AGBL1: variants seen among roughly 807,000 people sequenced by gnomAD.
AGBL1 encodes cytosolic carboxypeptidase 4.
A neutral mutation model predicts 118.9 loss-of-function variants in AGBL1; 130 were observed. The observed-to-expected ratio is 1.09, with a 90% CI of 0.95 to 1.26. The LOEUF (loss-of-function observed/expected upper bound fraction) is 1.26, where lower values mean the gene tolerates loss of function less well. Among genes scored for constraint, AGBL1 ranks in the 50% most tolerant of loss-of-function variants. The probability of loss-of-function intolerance (pLI) is 0.00; values close to 1 mark genes in which losing one functional copy is unlikely to be tolerated. For missense variants in AGBL1, 1,584 were observed against 1,298.1 expected, an observed-to-expected ratio of 1.22 and a Z score of -3.38; for synonymous variants, 555 against 478.9, an observed-to-expected ratio of 1.16 and a Z score of -2.08.
chr15:87,028,734 T>G, intron 24 of AGBL1: 1 of 1,190,172 alleles, frequency 8.4e-7, no homozygotes, highest in Non-Finnish European at 1.2e-6. Context: ...ATTTCGTATC[T>G]CTAAAAGGTC....
At chr15:86,839,892 G>A (rs529692460) in intron 22 of AGBL1, among the ~76,000 whole-genome samples, 50 of 152,162 alleles carry the variant, frequency 3.3e-4, no homozygotes, top group African/African-American at 1.1e-3. Context: ...CCATAACCAC[G>A]ATGTTTATAC....
chr15:86,115,573 T>C (rs1368656218), intron 1 of AGBL1, among the ~76,000 whole-genome samples: 1 of 152,186 alleles, frequency 6.6e-6, no homozygotes, highest in East Asian at 1.9e-4. Context: ...TATTTATACT[T>C]ACTCCCAGAT....
At chr15:86,202,558 C>T (rs760882264) in intron 5 of AGBL1, among the ~76,000 whole-genome samples, 25 of 152,174 alleles carry the variant, frequency 1.6e-4, no homozygotes, top group Non-Finnish European at 2.5e-4. Context: ...TGACATTGCA[C>T]CTGCCACATT....
chr15:86,865,966 T>A (rs1567214352), intron 22 of AGBL1, among the ~76,000 whole-genome samples: 1 of 152,236 alleles, frequency 6.6e-6, no homozygotes, highest in Admixed American at 6.5e-5. Flanking sequence ...TGGTATCTTT[T>A]AGCTGTTATC....
rs149149160 is a variant in AGBL1 at position 86,317,568 on chromosome 15, T to C, written c.2374+22160T>C. ...CATGCACAATGAGGAAATAAAACTT[T>C]GAGAGGCGAAAGAATTTGCCAGGGC... On this transcript the variant is annotated intron_variant, in intron 17 of 22. Transcript: ENST00000614907. Among the ~76,000 whole-genome samples the C allele has an allele frequency of 6.2e-4, 95 of 152,302 alleles. No individual in the cohort carries two copies. The East Asian group carries it at 0.014, about 22-fold the overall frequency.
chr15:86,429,920 C>G (rs904589775), intron 18 of AGBL1, among the ~76,000 whole-genome samples: 1 of 152,200 alleles, frequency 6.6e-6, no homozygotes, highest in Non-Finnish European at 1.5e-5. Flanking sequence ...GTTCAGTCAG[C>G]TCTTTAGCCT....
chr15:86,939,470 C>G (rs2080719393), intron 23 of AGBL1, among the ~76,000 whole-genome samples: 1 of 152,174 alleles, frequency 6.6e-6, no homozygotes, highest in South Asian at 2.1e-4. Flanking sequence ...GTTGGCTTCC[C>G]TACTCTTGAG....
intron 21 of AGBL1, among the ~76,000 whole-genome samples, chr15:86,667,106 C>A (rs1241411200): frequency 6.6e-6 from 1 of 152,012 alleles, no homozygotes; most frequent in East Asian, 1.9e-4. Context: ...CCTAATGATA[C>A]CATCATCATG....
intron 21 of AGBL1, among the ~76,000 whole-genome samples, chr15:86,672,812 C>CT (rs2085770098): frequency 6.6e-6 from 1 of 152,164 alleles, no homozygotes; most frequent in South Asian, 2.1e-4. Context: ...ACTGACTTCC[C>CT]TTAACTCTGA....
intron 5 of AGBL1, among the ~76,000 whole-genome samples, chr15:86,172,103 T>C (rs2077424569): frequency 6.6e-6 from 1 of 151,982 alleles, no homozygotes; most frequent in African/African-American, 2.4e-5. Context: ...AGTGCTCAGG[T>C]GATGGTGCAC....
intron 24 of AGBL1, among the ~76,000 whole-genome samples, chr15:87,015,318 G>A (rs530418834): frequency 6.6e-6 from 1 of 152,208 alleles, no homozygotes; most frequent in African/African-American, 2.4e-5. Flanking sequence ...AATCATGGAA[G>A]CCAATTCCCC....
intron 17 of AGBL1, among the ~76,000 whole-genome samples, chr15:86,352,267 A>C (rs1273372887): frequency 2.6e-5 from 4 of 152,328 alleles, no homozygotes; most frequent in Admixed American, 2.6e-4. Flanking sequence ...ACTCTGACCA[A>C]CTAGAAACAG....
chr15:86,160,418 T>TTCAC (rs1350730347), intron 5 of AGBL1, among the ~76,000 whole-genome samples: 3 of 152,192 alleles, frequency 2.0e-5, no homozygotes, highest in African/African-American at 4.8e-5. Flanking sequence ...ATCCAGGGAT[T>TTCAC]TCACTCTTCT....
rs904955031 is a variant in AGBL1 at position 86,914,426 on chromosome 15, G to A, written c.*7132G>A. On this transcript the variant is annotated 3_prime_UTR_variant, in exon 23 of 23. Coordinates refer to ENST00000614907, the MANE Select transcript of AGBL1 (RefSeq NM_001386094.1). The stretch of plus-strand genomic sequence containing the variant: ...AATGAAGTGCACCCATACTTAAAGA[G>A]ACACGTTTAGTAAATGATAGAGCTG... 6.6e-6 allele frequency: 1 copy of A among 152,110 alleles called. No homozygotes were observed. The highest frequency in any genetic ancestry group is 2.4e-5 in the African/African-American group (1 of 41,428). The allele number at this position is 152,110 out of a possible 1,614,324, so 9.4% of individuals were successfully genotyped here.
chr15:86,583,404 A>C (rs1339800463), intron 21 of AGBL1, among the ~76,000 whole-genome samples: 1 of 152,060 alleles, frequency 6.6e-6, no homozygotes, highest in Admixed American at 6.6e-5. Context: ...CCCAATGTTT[A>C]GTTCCCACTT....
intron 22 of AGBL1, among the ~76,000 whole-genome samples, chr15:86,692,651 T>C (rs769165712): frequency 6.6e-6 from 1 of 152,144 alleles, no homozygotes; most frequent in Non-Finnish European, 1.5e-5. Context: ...ACAGGTAGTA[T>C]TGGTTATATG....
intron 22 of AGBL1, among the ~76,000 whole-genome samples, chr15:86,790,523 C>A (rs759529345): frequency 6.6e-6 from 1 of 152,148 alleles, no homozygotes; most frequent in Admixed American, 6.6e-5. Flanking sequence ...TGCCCTGTGG[C>A]AAACTTGCTA....
chr15:86,522,480 C>T (rs1032178865), intron 18 of AGBL1, among the ~76,000 whole-genome samples: 4 of 152,190 alleles, frequency 2.6e-5, no homozygotes, highest in East Asian at 1.9e-4. Context: ...AACTGAAGAA[C>T]GCATAGCCTA....
chr15:86,588,495 G>T (rs149193551), intron 21 of AGBL1, among the ~76,000 whole-genome samples: 1 of 152,306 alleles, frequency 6.6e-6, no homozygotes, highest in East Asian at 1.9e-4. Flanking sequence ...GTAGCTGCAG[G>T]GAGTGCTGGG....
Sources: allele counts gnomAD v4.1 joint callset (sites outside exome capture counted in the v4.1 genomes callset), GRCh38; gene constraint gnomAD v4.1.1; transcripts MANE v1.5; gene names NCBI Gene and HGNC (gene_info 2026-07-23, HGNC 2026-07-21).